Variants in FBXL17 observed in about 807,000 individuals in gnomAD.
FBXL17 encodes the protein F-box/LRR-repeat protein 17.
FBXL17 carries 22 observed loss-of-function variants against 66.2 expected under a neutral mutation model. The ratio of observed to expected loss-of-function variants is 0.33; its 90% CI spans 0.24 to 0.47. The LOEUF (loss-of-function observed/expected upper bound fraction) is 0.47, where lower values mean the gene tolerates loss of function less well. Among genes scored for constraint, FBXL17 ranks in the 20% least tolerant of loss-of-function variants. The pLI is 1.00. For synonymous variants in FBXL17, 474 were observed against 400.5 expected, an observed-to-expected ratio of 1.18 and a Z score of -2.19; for missense variants, 878 against 948.2, an observed-to-expected ratio of 0.93 and a Z score of 0.97.
chr5:108,357,781 T>C (rs1351422561), intron 3 of FBXL17, among the ~76,000 whole-genome samples: 2 of 152,044 alleles, frequency 1.3e-5, no homozygotes, highest in Non-Finnish European at 2.9e-5. Context: ...TGCAGGTTTG[T>C]TACATAGGTA....
intron 7 of FBXL17, among the ~76,000 whole-genome samples, chr5:108,018,470 G>C (rs1048267715): frequency 6.6e-6 from 1 of 152,004 alleles, no homozygotes; most frequent in African/African-American, 2.4e-5. Flanking sequence ...CATTGTAGTG[G>C]GTGAAAAGAT....
rs114377347 is a variant in FBXL17, at chr5:107,902,370, A to C, written c.1823-21191T>G. On this transcript the variant is annotated intron_variant, in intron 7 of 8. Coordinates refer to ENST00000542267, the MANE Select transcript of FBXL17 (RefSeq NM_001163315.3). ...AATTTATTGATACATTAAATCAATA[A>C]ATTAATTTATCCAATACATCATCAC... 4.6e-3 allele frequency among the ~76,000 whole-genome samples: 695 copies of C among 152,320 alleles called. 5 individuals are homozygous for C. The highest frequency in any genetic ancestry group is 0.015 in the African/African-American group (636 of 41,576).
At chr5:108,106,646 G>T (rs560026706) in intron 6 of FBXL17, among the ~76,000 whole-genome samples, 10 of 152,256 alleles carry the variant, frequency 6.6e-5, no homozygotes, top group African/African-American at 2.2e-4. Flanking sequence ...AAACATAAAA[G>T]GGTACATATT....
At chr5:108,012,461 G>A (rs1019706446) in intron 7 of FBXL17, among the ~76,000 whole-genome samples, 4 of 152,022 alleles carry the variant, frequency 2.6e-5, no homozygotes, top group African/African-American at 7.2e-5. Context: ...ATGGGGTAGC[G>A]CTTTATGACA....
intron 7 of FBXL17, among the ~76,000 whole-genome samples, chr5:107,932,748 C>T (rs546308755): frequency 6.6e-6 from 1 of 152,124 alleles, no homozygotes; most frequent in African/African-American, 2.4e-5. Flanking sequence ...TAAAGAGATA[C>T]TGGAAGGAAT....
At chr5:108,237,211 C>T (rs55985036) in intron 4 of FBXL17, among the ~76,000 whole-genome samples, 15,482 of 152,176 alleles carry the variant, frequency 0.1, 991 homozygotes, top group Middle Eastern at 0.16. Context: ...TCCTAAATCC[C>T]TTTAATTCAA....
chr5:108,298,441 CA>C (rs1454159611), intron 4 of FBXL17: 2 of 973,620 alleles, frequency 2.1e-6, no homozygotes, highest in Middle Eastern at 5.2e-4. Context: ...AAAATCTAAA[CA>C]AAACTTCAGT....
chr5:107,886,150 T>C (rs930173281), intron 7 of FBXL17, among the ~76,000 whole-genome samples: 10 of 152,282 alleles, frequency 6.6e-5, no homozygotes, highest in South Asian at 4.1e-4. Context: ...TACTGTACTA[T>C]AGCAAGTAAA....
chr5:107,953,381 C>A (rs996622261), intron 7 of FBXL17, among the ~76,000 whole-genome samples: 1 of 127,944 alleles, frequency 7.8e-6, no homozygotes, highest in South Asian at 2.5e-4. Flanking sequence ...CCAGCCTGGA[C>A]GACAGAGTGA....
chr5:108,264,151 G>A (rs926567766), intron 4 of FBXL17, among the ~76,000 whole-genome samples: 1 of 147,930 alleles, frequency 6.8e-6, no homozygotes, highest in East Asian at 2.0e-4. Context: ...GGAGGTGGAG[G>A]TGGCAGTGAG....
intron 5 of FBXL17, among the ~76,000 whole-genome samples, chr5:108,218,841 A>T (rs905831098): frequency 2.0e-5 from 3 of 152,164 alleles, no homozygotes; most frequent in Non-Finnish European, 4.4e-5. Context: ...CTTATCAGAT[A>T]TATGGTTTGG....
chr5:108,171,886 T>C (rs561871941), intron 6 of FBXL17, among the ~76,000 whole-genome samples: 3 of 152,120 alleles, frequency 2.0e-5, no homozygotes, highest in Non-Finnish European at 2.9e-5. Flanking sequence ...CAATGGTGAG[T>C]AAGTCTCACA....
intron 5 of FBXL17, among the ~76,000 whole-genome samples, chr5:108,217,240 G>A (rs1169370764): frequency 6.6e-6 from 1 of 151,924 alleles, no homozygotes; most frequent in Admixed American, 6.6e-5. Flanking sequence ...TTCTTCTTTT[G>A]CTTATTAAAC....
chr5:108,171,684 G>A (rs1341773484), intron 6 of FBXL17, among the ~76,000 whole-genome samples: 1 of 152,160 alleles, frequency 6.6e-6, no homozygotes, highest in East Asian at 1.9e-4. Context: ...TATTTGAACT[G>A]GGCTTTGCCA....
chr5:107,996,678 T>C (rs1397857051), intron 7 of FBXL17, among the ~76,000 whole-genome samples: 2 of 152,190 alleles, frequency 1.3e-5, no homozygotes, highest in East Asian at 3.9e-4. Context: ...AAGAATAAAA[T>C]ATATCTACTA....
intron 7 of FBXL17, among the ~76,000 whole-genome samples, chr5:108,005,191 G>A (rs1753879102): frequency 6.6e-6 from 1 of 151,612 alleles, no homozygotes; most frequent in Non-Finnish European, 1.5e-5. Context: ...TATTAGCTAG[G>A]TTTTTCTCCC....
intron 7 of FBXL17, among the ~76,000 whole-genome samples, chr5:107,889,130 A>C (rs1749109029): frequency 6.6e-6 from 1 of 152,202 alleles, no homozygotes; most frequent in Non-Finnish European, 1.5e-5. Flanking sequence ...CACTTTAAAA[A>C]AATTTCTAGC....
chr5:108,233,410 A>G (rs538827585), intron 4 of FBXL17, among the ~76,000 whole-genome samples: 2 of 152,338 alleles, frequency 1.3e-5, no homozygotes, highest in Admixed American at 1.3e-4. Context: ...AGAATCATAC[A>G]TACTCACAGG....
intron 8 of FBXL17, chr5:107,879,972 T>C (rs1267992226): frequency 1.3e-5 from 11 of 861,244 alleles, no homozygotes; most frequent in Non-Finnish European, 1.5e-5. Context: ...TTTCTCCCCT[T>C]CACAATGCAA....
Sources: allele counts gnomAD v4.1 joint callset (sites outside exome capture counted in the v4.1 genomes callset), GRCh38; gene constraint gnomAD v4.1.1; transcripts MANE v1.5; gene names NCBI Gene and HGNC (gene_info 2026-07-23, HGNC 2026-07-21).